The following LANCL2 variants were observed in gnomAD, a reference collection of about 807,000 sequenced individuals.
The protein encoded by LANCL2 is LanC like glutathione S-transferase 2.
A neutral mutation model predicts 56.9 loss-of-function variants in LANCL2; 33 were observed. The observed-to-expected ratio is 0.58, with a 90% CI of 0.44 to 0.78. The LOEUF is 0.78. Among genes scored for constraint, LANCL2 ranks in the 30% least tolerant of loss-of-function variants. The pLI, the probability that LANCL2 is intolerant of heterozygous loss-of-function variation, is 0.00. For synonymous variants in LANCL2, 233 were observed against 228.2 expected (o/e 1.02, Z -0.19); for missense variants, 562 against 580.2 (o/e 0.97, Z 0.32).
At chr7:55,420,753 G>A (rs1790599428) in intron 6 of LANCL2, among the ~76,000 whole-genome samples, 1 of 152,242 alleles carries the variant, frequency 6.6e-6, no homozygotes, top group Non-Finnish European at 1.5e-5. Context: ...TTCGTTTACA[G>A]ATCAGACTGT....
At chr7:55,371,217 C>T (rs1166466935) in intron 1 of LANCL2, among the ~76,000 whole-genome samples, 1 of 152,120 alleles carries the variant, frequency 6.6e-6, no homozygotes, top group Admixed American at 6.5e-5. Context: ...GTTTTGTTCT[C>T]TATCTCTGTA....
At chr7:55,378,242 T>C (rs1321180027) in intron 1 of LANCL2, among the ~76,000 whole-genome samples, 1 of 152,154 alleles carries the variant, frequency 6.6e-6, no homozygotes, top group Non-Finnish European at 1.5e-5. Flanking sequence ...GGTGGATCAC[T>C]TGAGGCCAGG....
chr7:55,367,211 T>C, intron 1 of LANCL2, among the ~76,000 whole-genome samples: 1 of 152,250 alleles, frequency 6.6e-6, no homozygotes, highest in Non-Finnish European at 1.5e-5. Flanking sequence ...GAAGATTGAA[T>C]ATCAGCACAA....
chr7:55,402,418 G>A (rs1431062950), intron 5 of LANCL2, among the ~76,000 whole-genome samples: 3 of 124,372 alleles, frequency 2.4e-5, no homozygotes, highest in Non-Finnish European at 5.2e-5. Flanking sequence ...GGCTGGCCGG[G>A]CGGGGGGCTG....
At chr7:55,421,232 A>G (rs1445288577) in intron 6 of LANCL2, among the ~76,000 whole-genome samples, 1 of 138,178 alleles carries the variant, frequency 7.2e-6, no homozygotes, top group Non-Finnish European at 1.6e-5. Context: ...TTAAAATTAC[A>G]TTTTGTGTGT....
chr7:55,424,444 T>C (rs1225224709), intron 6 of LANCL2, among the ~76,000 whole-genome samples: 4 of 152,098 alleles, frequency 2.6e-5, no homozygotes, highest in Non-Finnish European at 5.9e-5. Context: ...GTCCTGTTGA[T>C]GTGTACTGAT....
chr7:55,389,017 C>A (rs984295904), intron 1 of LANCL2, among the ~76,000 whole-genome samples: 1 of 152,200 alleles, frequency 6.6e-6, no homozygotes, highest in Non-Finnish European at 1.5e-5. Context: ...TTGAGCCTGC[C>A]TGTGCTTCTT....
rs951375343 is a variant in LANCL2, at chr7:55,395,381, C to G, written c.323-3042C>G. Among the ~76,000 whole-genome samples the G allele has an allele frequency of 2.0e-5, 3 of 151,860 alleles. 1 individual carries two copies. In the South Asian group the frequency reaches 6.3e-4, roughly 32 times the overall value. On this transcript the variant is annotated intron_variant, in intron 2 of 8. Transcript: ENST00000254770. ...TTCACAAAGCGGAGGTAAAGACATTCAGAGCAGAGATGGCTAGACAGTAAG... is the reference window on the plus strand; with the variant it reads ...TTCACAAAGCGGAGGTAAAGACATTGAGAGCAGAGATGGCTAGACAGTAAG...
chr7:55,368,797 A>C (rs556868379), intron 1 of LANCL2, among the ~76,000 whole-genome samples: 1 of 141,144 alleles, frequency 7.1e-6, no homozygotes, highest in South Asian at 2.2e-4. Context: ...AATTAAGATG[A>C]TGTAATACTG....
At chr7:55,380,584 T>C (rs969169554) in intron 1 of LANCL2, among the ~76,000 whole-genome samples, 1 of 152,122 alleles carries the variant, frequency 6.6e-6, no homozygotes, top group African/African-American at 2.4e-5. Flanking sequence ...TGTAATTGGT[T>C]TTTTGTATTA....
intron 1 of LANCL2, among the ~76,000 whole-genome samples, chr7:55,380,393 A>C (rs1583744284): frequency 6.7e-6 from 1 of 148,874 alleles, no homozygotes; most frequent in African/African-American, 2.5e-5. Flanking sequence ...AGTGCAACAA[A>C]AGAAGGTACA....
chr7:55,390,330 G>A (rs1307711965), intron 1 of LANCL2, among the ~76,000 whole-genome samples: 1 of 152,108 alleles, frequency 6.6e-6, no homozygotes, highest in Non-Finnish European at 1.5e-5. Context: ...GGTGGGCCAG[G>A]TGCAGTGGCT....
At chr7:55,375,163 T>A (rs1330269908) in intron 1 of LANCL2, among the ~76,000 whole-genome samples, 1 of 152,226 alleles carries the variant, frequency 6.6e-6, no homozygotes, top group East Asian at 1.9e-4. Context: ...GACTTTTCAC[T>A]CTCCTCTATT....
chr7:55,403,569 G>GTTTTTTTTT (rs34481346), intron 5 of LANCL2, among the ~76,000 whole-genome samples: 1 of 99,484 alleles, frequency 1.0e-5, no homozygotes, highest in African/African-American at 3.9e-5. Context: ...TTTGTTTGTT[G>GTTTTTTTTT]TTTTTTTTTT....
intron 2 of LANCL2, chr7:55,397,254 A>T (rs1790264188): frequency 6.6e-6 from 1 of 152,176 alleles, no homozygotes; most frequent in Non-Finnish European, 1.5e-5. Context: ...CGAAGTCAGG[A>T]GTTCAAGACC....
chr7:55,366,827 A>C (rs994252387), intron 1 of LANCL2, among the ~76,000 whole-genome samples: 1 of 152,208 alleles, frequency 6.6e-6, no homozygotes, highest in Non-Finnish European at 1.5e-5. Flanking sequence ...AAAAGACACA[A>C]AGAAATGGCA....
chr7:55,415,621 C>CTTTTT (rs71031852), intron 6 of LANCL2, among the ~76,000 whole-genome samples: 2 of 111,766 alleles, frequency 1.8e-5, no homozygotes, highest in Admixed American at 2.2e-4. Flanking sequence ...GTTTTTCTTT[C>CTTTTT]TTTTTTTTGA....
Position 55,425,439 on chromosome 7 carries a change from G to A in LANCL2, c.1185+9G>A, listed in dbSNP as rs1194876240. On this transcript the variant is annotated intron_variant, in intron 7 of 8. Coordinates refer to ENST00000254770, the MANE Select transcript of LANCL2 (RefSeq NM_018697.4). ...TCTACCGAGCTTGCAAGGTGAGGGT[G>A]GCTCTGTTGGAACTGCTTCTGAACA... 6.2e-7 allele frequency: 1 copy of A among 1,613,446 alleles called. No individual in the cohort carries two copies. Among genetic ancestry groups the A allele is most frequent in the East Asian group, 2.2e-5 (1 of 44,864 alleles).
intron 3 of LANCL2, 55 bp from the exon 4 acceptor site, chr7:55,399,902 G>A: frequency 6.8e-7 from 1 of 1,464,112 alleles, no homozygotes; most frequent in East Asian, 2.3e-5. Context: ...TAGTGTTTCA[G>A]GAAGAAGTAC....
Sources: gnomAD v4.1 joint callset for allele counts (sites outside exome capture counted in the v4.1 genomes callset) on GRCh38, gnomAD v4.1.1 for gene constraint, MANE v1.5 for transcripts, NCBI Gene and HGNC (gene_info 2026-07-23, HGNC 2026-07-21) for gene names.